ABLIM1: variants seen among roughly 807,000 people sequenced by gnomAD.
ABLIM1 encodes the protein actin binding LIM protein 1.
ABLIM1 carries 40 observed loss-of-function variants against 107.0 expected under a neutral mutation model. That is an observed-to-expected ratio of 0.37 (90% CI 0.29 to 0.49). ABLIM1 has a LOEUF of 0.49. Ranked by LOEUF, ABLIM1 falls within the 20% of genes least tolerant of loss-of-function variation. ABLIM1 has a pLI of 0.97. For synonymous variants in ABLIM1, 357 were observed against 357.3 expected, an observed-to-expected ratio of 1.00 and a Z score of 0.01; for missense variants, 857 against 1,008.5, an observed-to-expected ratio of 0.85 and a Z score of 2.04.
chr10:114,666,548 C>G (rs2080032549), intron 1 of ABLIM1, among the ~76,000 whole-genome samples: 2 of 152,160 alleles, frequency 1.3e-5, no homozygotes, highest in Non-Finnish European at 2.9e-5. Context: ...GTCAGTAAAT[C>G]TGTAGGCTCT....
intron 1 of ABLIM1, among the ~76,000 whole-genome samples, chr10:114,630,407 ATAT>A (rs1034685987): frequency 7.9e-5 from 12 of 152,304 alleles, no homozygotes; most frequent in Middle Eastern, 6.8e-3. Flanking sequence ...AAGAGTGGAA[ATAT>A]TATTAGAAGC....
At chr10:114,603,363 G>A (rs1403888442) in intron 1 of ABLIM1, among the ~76,000 whole-genome samples, 1 of 152,122 alleles carries the variant, frequency 6.6e-6, no homozygotes, top group Non-Finnish European at 1.5e-5. Flanking sequence ...TTCTTCTTGT[G>A]AGATTCTGAC....
chr10:114,605,236 C>T (rs1312476778), intron 1 of ABLIM1, among the ~76,000 whole-genome samples: 1 of 152,196 alleles, frequency 6.6e-6, no homozygotes, highest in Non-Finnish European at 1.5e-5. Context: ...TTTTCCAAAA[C>T]GAATAAAGAG....
chr10:114,734,190 G>A (rs1382142377), intron 1 of ABLIM1, among the ~76,000 whole-genome samples: 1 of 152,054 alleles, frequency 6.6e-6, no homozygotes, highest in African/African-American at 2.4e-5. Flanking sequence ...GCTGGATTCA[G>A]TAACTCTAAC....
At chr10:114,530,336 C>T (rs970958605) in intron 6 of ABLIM1, among the ~76,000 whole-genome samples, 5 of 152,016 alleles carry the variant, frequency 3.3e-5, no homozygotes, top group South Asian at 4.2e-4. Flanking sequence ...ACCTCTTCAC[C>T]GTCATACTAA....
rs115739164 is a variant in ABLIM1 at position 114,697,752 on chromosome 10, C to T, written c.-213+70309G>A. On this transcript the variant is annotated intron_variant, in intron 1 of 15. Transcript: ENST00000651092. ...TTTCAATTTTAGTAATCCAGCTATTCCTCATATCATCAAGTTTTAAGCTTG... is the reference window on the plus strand; with the variant it reads ...TTTCAATTTTAGTAATCCAGCTATTTCTCATATCATCAAGTTTTAAGCTTG... Among the ~76,000 whole-genome samples, 1,423 of 152,236 alleles carry T rather than the reference C, an allele frequency of 9.3e-3. 21 individuals are homozygous for T. Among genetic ancestry groups the T allele is most frequent in the African/African-American group, 0.033 (1,364 of 41,536 alleles).
At chr10:114,673,749 A>T (rs1206988391) in intron 1 of ABLIM1, among the ~76,000 whole-genome samples, 1 of 152,272 alleles carries the variant, frequency 6.6e-6, no homozygotes, top group East Asian at 1.9e-4. Flanking sequence ...TGCAAGGAGC[A>T]TCACATGAGG....
At chr10:114,670,807 T>A (rs11196855) in intron 1 of ABLIM1, among the ~76,000 whole-genome samples, 1 of 152,120 alleles carries the variant, frequency 6.6e-6, no homozygotes, top group Admixed American at 6.5e-5. Context: ...TCCACAGATT[T>A]TTTTCCATGA....
chr10:114,462,981 C>T (rs1168494431), intron 12 of ABLIM1: 4 of 1,297,978 alleles, frequency 3.1e-6, no homozygotes, highest in Non-Finnish European at 3.0e-6. Flanking sequence ...CCTTATTAGC[C>T]TTCCCAGGGT....
intron 6 of ABLIM1, among the ~76,000 whole-genome samples, chr10:114,502,507 T>C (rs1341107406): frequency 6.6e-6 from 1 of 152,160 alleles, no homozygotes; most frequent in Non-Finnish European, 1.5e-5. Context: ...TTATTTTATT[T>C]ATTTTTTGAG....
the ABLIM1 span, among the ~76,000 whole-genome samples, chr10:114,798,486 C>T: frequency 1.3e-5 from 2 of 149,406 alleles, no homozygotes; most frequent in African/African-American, 4.9e-5. Flanking sequence ...AATCCCAGCA[C>T]TTTGGGAAGC....
chr10:114,789,938 G>A, the ABLIM1 span, among the ~76,000 whole-genome samples: 1 of 152,060 alleles, frequency 6.6e-6, no homozygotes, highest in African/African-American at 2.4e-5. Context: ...ATTTACAGGT[G>A]CATGCCACCA....
chr10:114,513,227 CGTGATGAATTTAGAAAGAAAT>C (rs370740976), intron 6 of ABLIM1, among the ~76,000 whole-genome samples: 4,716 of 152,030 alleles, frequency 0.031, 256 homozygotes, highest in African/African-American at 0.097. Context: ...AACTGATAAA[CGTGATGAATTTAGAAAGAAAT>C]GTGATGAATT....
intron 2 of ABLIM1, among the ~76,000 whole-genome samples, chr10:114,597,374 T>C (rs1472316367): frequency 1.3e-5 from 2 of 151,976 alleles, no homozygotes; most frequent in Non-Finnish European, 2.9e-5. Flanking sequence ...CAGATGAGGT[T>C]TGGAATAAGT....
chr10:114,632,607 G>A (rs1196525094), intron 1 of ABLIM1: 1 of 985,376 alleles, frequency 1.0e-6, no homozygotes, highest in Admixed American at 6.1e-5. Flanking sequence ...CCTGAATGGG[G>A]CTGGGGGAAG....
chr10:114,460,501 C>T (rs1565357686), intron 12 of ABLIM1, among the ~76,000 whole-genome samples: 2 of 152,006 alleles, frequency 1.3e-5, no homozygotes, highest in South Asian at 2.1e-4. Flanking sequence ...CTCAGGAGGC[C>T]GAGGCAGAAG....
Position 114,439,167 on chromosome 10 carries a change from T to C in ABLIM1, c.2142+9A>G, listed in dbSNP as rs764435013. The C allele has an allele frequency of 3.7e-5, 59 of 1,614,120 alleles. 1 individual carries two copies. The East Asian group carries it at 1.2e-3, about 34-fold the overall frequency. ...CCCATATGAGAGGAAAAAGAACAGC[T>C]GCACTTGCCTTTGGTTCCAACATGT... On this transcript the variant is annotated intron_variant, in intron 21 of 22. Coordinates refer to ENST00000533213, the MANE Select transcript of ABLIM1 (RefSeq NM_002313.7).
intron 1 of ABLIM1, chr10:114,631,908 C>A: frequency 2.3e-6 from 3 of 1,304,392 alleles, no homozygotes; most frequent in Non-Finnish European, 3.0e-6. Flanking sequence ...TTACCTTTTT[C>A]CTTCACCATG....
the ABLIM1 span, chr10:114,778,325 C>T: frequency 1.3e-5 from 2 of 152,332 alleles, no homozygotes; most frequent in Non-Finnish European, 2.9e-5. Flanking sequence ...GATTGGGCCA[C>T]TGCACTACAG....
Sources: allele counts gnomAD v4.1 joint callset (sites outside exome capture counted in the v4.1 genomes callset), GRCh38; gene constraint gnomAD v4.1.1; transcripts MANE v1.5; gene names NCBI Gene and HGNC (gene_info 2026-07-23, HGNC 2026-07-21).